The following SGCD variants were observed in gnomAD, a reference collection of about 807,000 sequenced individuals.
The protein encoded by SGCD is delta-sarcoglycan.
In SGCD, 18 loss-of-function variants were observed where a neutral mutation model predicts 36.6. The observed-to-expected ratio is 0.49, with a 90% CI of 0.34 to 0.73. The LOEUF is 0.73. SGCD is among the 30% of genes least tolerant of loss of function. The pLI, the probability that SGCD is intolerant of heterozygous loss-of-function variation, is 0.01. For missense variants in SGCD, 387 were observed against 346.7 expected (o/e 1.12, Z -0.92); for synonymous variants, 133 against 130.6 (o/e 1.02, Z -0.12).
At chr5:156,267,582 T>A (rs1766034542) in intron 3 of SGCD, among the ~76,000 whole-genome samples, 1 of 152,212 alleles carries the variant, frequency 6.6e-6, no homozygotes, top group Non-Finnish European at 1.5e-5. Context: ...CACCCTGCAC[T>A]GTGATACTAC....
chr5:155,759,017 T>TA, the SGCD span, among the ~76,000 whole-genome samples: 5 of 152,040 alleles, frequency 3.3e-5, no homozygotes, highest in South Asian at 2.1e-4. Flanking sequence ...TATTTTTATT[T>TA]TTTTTTTAGA....
At position 156,239,777 on chromosome 5, in the gene SGCD, G is replaced by A. The variant is rs192860851; in HGVS notation, c.-43-89757G>A. Among the ~76,000 whole-genome samples, 38 of 152,124 alleles carry A rather than the reference G, an allele frequency of 2.5e-4. 1 individual carries two copies. Among genetic ancestry groups the A allele is most frequent in the Admixed American group, 2.3e-3 (35 of 15,276 alleles). On this transcript the variant is annotated intron_variant, in intron 3 of 9. Coordinates refer to the SGCD transcript ENST00000517913. ...TTCTTGCCTGTAAATGGGAACAATT[G>A]TATCTACCCAGTCTCTCTTGTGTGG...
intron 3 of SGCD, among the ~76,000 whole-genome samples, chr5:156,500,219 C>CCACA (rs1213351414): frequency 6.6e-6 from 1 of 152,106 alleles, no homozygotes; most frequent in East Asian, 1.9e-4. Context: ...TTGTCATTCC[C>CCACA]CACACTACCT....
Position 156,679,031 on chromosome 5 carries a change from C to G in SGCD, c.575+31495C>G, listed in dbSNP as rs1269163976. 2.0e-5 allele frequency among the ~76,000 whole-genome samples: 3 copies of G among 152,262 alleles called. No homozygotes were observed. In the East Asian group the frequency reaches 5.8e-4, roughly 29 times the overall value. On this transcript the variant is annotated intron_variant, in intron 7 of 8. Coordinates refer to ENST00000337851, the MANE Select transcript of SGCD (RefSeq NM_000337.6). Reference sequence around the variant, plus strand: ...AATATGGGAGGGAGCAGCAGAAAGACCAGTGGAGAATGCAGCATTTGTATG... The same window carrying G: ...AATATGGGAGGGAGCAGCAGAAAGAGCAGTGGAGAATGCAGCATTTGTATG...
intron 4 of SGCD, among the ~76,000 whole-genome samples, chr5:156,512,148 C>T (rs147205086): frequency 0.019 from 2,580 of 135,982 alleles, 29 homozygotes; most frequent in Non-Finnish European, 0.03. Flanking sequence ...GAGCTGAGAT[C>T]GTGCCACTGC....
At chr5:156,717,034 T>A (rs1755255712) in intron 7 of SGCD, among the ~76,000 whole-genome samples, 1 of 152,226 alleles carries the variant, frequency 6.6e-6, no homozygotes, top group Non-Finnish European at 1.5e-5. Flanking sequence ...TTAATATGAT[T>A]TCTCCTCATG....
Position 156,763,432 on chromosome 5 carries a change from A to G in SGCD, c.*4042A>G, listed in dbSNP as rs1757532366. 6.6e-6 allele frequency: 1 copy of G among 152,646 alleles called. No individual in the cohort carries two copies. The highest frequency in any genetic ancestry group is 2.4e-5 in the African/African-American group (1 of 41,448). 9.5% of individuals were successfully genotyped at this position (152,646 alleles called of 1,614,324 possible). A position where few individuals can be genotyped will look rare whatever the true frequency, so the allele number is the denominator to read the frequency against. On this transcript the variant is annotated 3_prime_UTR_variant, in exon 9 of 9. Coordinates refer to ENST00000337851, the MANE Select transcript of SGCD (RefSeq NM_000337.6). ...AACAAATAATTGGAAGTATTGGAAA[A>G]AGCAAAATACATGGGGACAAAAAAA...
chr5:156,708,912 G>A (rs1190385297), intron 7 of SGCD, among the ~76,000 whole-genome samples: 1 of 152,088 alleles, frequency 6.6e-6, no homozygotes. Context: ...GTGAATTCTA[G>A]GAAAGTAAAC....
chr5:156,528,431 G>A (rs1757733838), intron 4 of SGCD, among the ~76,000 whole-genome samples: 1 of 151,950 alleles, frequency 6.6e-6, no homozygotes, highest in Non-Finnish European at 1.5e-5. Context: ...TTAGTTTCTA[G>A]ACTAGTTCCT....
At chr5:156,156,952 T>C (rs1308838652) in intron 3 of SGCD, among the ~76,000 whole-genome samples, 1 of 151,682 alleles carries the variant, frequency 6.6e-6, no homozygotes, top group Non-Finnish European at 1.5e-5. Flanking sequence ...AATGGCTTAT[T>C]TTCATGCATC....
At chr5:155,975,184 A>G (rs1312109490) in intron 1 of SGCD, among the ~76,000 whole-genome samples, 1 of 152,224 alleles carries the variant, frequency 6.6e-6, no homozygotes, top group Non-Finnish European at 1.5e-5. Flanking sequence ...TATCAGTGTC[A>G]TCATCATCAC....
intron 1 of SGCD, among the ~76,000 whole-genome samples, chr5:156,027,716 A>G (rs1759254982): frequency 1.3e-5 from 2 of 152,208 alleles, no homozygotes; most frequent in South Asian, 4.1e-4. Context: ...TGTATAGTAC[A>G]TCAGTCTACA....
At chr5:155,992,218 G>A (rs1758445569) in intron 1 of SGCD, among the ~76,000 whole-genome samples, 1 of 152,044 alleles carries the variant, frequency 6.6e-6, no homozygotes, top group African/African-American at 2.4e-5. Context: ...TTGAAACCTT[G>A]TTCCCTCCTC....
chr5:156,452,767 C>A (rs1754077502), intron 3 of SGCD, among the ~76,000 whole-genome samples: 1 of 152,076 alleles, frequency 6.6e-6, no homozygotes, highest in Admixed American at 6.6e-5. Context: ...CAAATTAACC[C>A]TGACATGCTG....
At chr5:156,462,177 A>G (rs1338972286) in intron 3 of SGCD, among the ~76,000 whole-genome samples, 2 of 151,642 alleles carry the variant, frequency 1.3e-5, no homozygotes, top group South Asian at 4.2e-4. Context: ...TTTTAGTTCC[A>G]TGGCCCAGGA....
intron 1 of SGCD, among the ~76,000 whole-genome samples, chr5:156,094,676 C>T (rs988913013): frequency 3.9e-5 from 6 of 152,052 alleles, no homozygotes; most frequent in Non-Finnish European, 8.8e-5. Context: ...CAGAATGTAC[C>T]CCAAGGGGCT....
At chr5:156,153,351 T>C (rs184613772) in intron 3 of SGCD, among the ~76,000 whole-genome samples, 95 of 151,730 alleles carry the variant, frequency 6.3e-4, no homozygotes, top group Middle Eastern at 3.4e-3. Flanking sequence ...TGGGCCTTGG[T>C]TTTAAATAAT....
intron 1 of SGCD, among the ~76,000 whole-genome samples, chr5:155,954,551 G>A (rs1757609198): frequency 6.7e-6 from 1 of 149,920 alleles, no homozygotes; most frequent in Admixed American, 6.7e-5. Flanking sequence ...ATTATGGGCA[G>A]CTTATGGGGT....
chr5:156,733,402 A>AT (rs1561883544), intron 7 of SGCD, among the ~76,000 whole-genome samples: 3 of 151,926 alleles, frequency 2.0e-5, no homozygotes, highest in Non-Finnish European at 2.9e-5. Context: ...TATTTCAGTC[A>AT]TTTTGCGTCT....
Sources: gnomAD v4.1 joint callset for allele counts (sites outside exome capture counted in the v4.1 genomes callset) on GRCh38, gnomAD v4.1.1 for gene constraint, MANE v1.5 for transcripts, NCBI Gene and HGNC (gene_info 2026-07-23, HGNC 2026-07-21) for gene names.